Variants in MTHFD1 observed in about 807,000 individuals in gnomAD.
MTHFD1 encodes the protein C-1-tetrahydrofolate synthase, cytoplasmic.
In MTHFD1, 44 loss-of-function variants were observed where a neutral mutation model predicts 110.3. The observed-to-expected ratio is 0.40, with a 90% confidence interval of 0.31 to 0.51. The LOEUF (loss-of-function observed/expected upper bound fraction) is 0.51. Among genes scored for constraint, MTHFD1 ranks in the 20% least tolerant of loss-of-function variants. MTHFD1 has a pLI of 0.60. For synonymous variants in MTHFD1, 402 were observed against 428.8 expected (o/e 0.94, Z 0.77); for missense variants, 909 against 1,173.1 (o/e 0.77, Z 3.29).
chr14:64,415,044 A>G (rs2078014759), intron 4 of MTHFD1, among the ~76,000 whole-genome samples: 1 of 152,152 alleles, frequency 6.6e-6, no homozygotes, highest in Non-Finnish European at 1.5e-5. Flanking sequence ...TGTGTTGTCC[A>G]GGCTGGTCTT....
intron 12 of MTHFD1, among the ~76,000 whole-genome samples, chr14:64,428,919 C>T (rs186215901): frequency 6.6e-6 from 1 of 152,262 alleles, no homozygotes; most frequent in Non-Finnish European, 1.5e-5. Context: ...AACCCCCTTT[C>T]AACTTCAGCA....
At position 64,439,167 on chromosome 14, in the gene MTHFD1, C is replaced by G; in HGVS notation, c.1669C>G (p.Arg557Gly). 6 of 1,612,762 alleles carry G rather than the reference C, an allele frequency of 3.7e-6. No individual in the cohort carries two copies. Among genetic ancestry groups the G allele is most frequent in the African/African-American group, 1.3e-5 (1 of 75,002 alleles). Residue 557 changes from arginine (R) to glycine (G), a missense_variant, in exon 17 of 28, where the codon CGG becomes GGG. By Grantham distance (125) the Arg-to-Gly change is moderately radical. Around this residue, in one of 3 missense-constraint regions of MTHFD1, gnomAD observed 482 missense variants for 646.0 expected, o/e 0.75. Coordinates refer to ENST00000652337, the MANE Select transcript of MTHFD1 (RefSeq NM_005956.4). ...GQAPTEKGHT[R>G]TAQFDISVAS... The stretch of plus-strand genomic sequence containing the variant: ...GGCTCCAACGGAGAAGGGTCACACA[C>G]GGACGGTAACAATTTGTCCCTTTCC...
At chr14:64,446,049 A>C (rs2078287074) in intron 22 of MTHFD1, among the ~76,000 whole-genome samples, 2 of 152,096 alleles carry the variant, frequency 1.3e-5, no homozygotes, top group South Asian at 4.2e-4. Context: ...GTTTTGCTCG[A>C]TGATTCAGTA....
At chr14:64,390,758 C>G (rs534043055) in intron 1 of MTHFD1, among the ~76,000 whole-genome samples, 1 of 152,272 alleles carries the variant, frequency 6.6e-6, no homozygotes, top group East Asian at 1.9e-4. Flanking sequence ...AAGCGATTCT[C>G]CTGCCTCAGC....
At position 64,444,756 on chromosome 14, in the gene MTHFD1, C is replaced by A. The variant is rs776477235; in HGVS notation, c.2178+22C>A. 25 of 1,612,940 alleles carry A rather than the reference C, an allele frequency of 1.5e-5. No individual in the cohort carries two copies. The South Asian group carries it at 2.6e-4, about 17-fold the overall frequency. On this transcript the variant is annotated intron_variant, in intron 22 of 27. Transcript: ENST00000652337. Reference sequence around the variant, plus strand: ...GGAGGTAACCTGAGTTATTTCTCATCACGTGTCCTAGAAAGCACCACACCT... The same window carrying A: ...GGAGGTAACCTGAGTTATTTCTCATAACGTGTCCTAGAAAGCACCACACCT...
At chr14:64,397,144 T>G (rs868539421) in intron 1 of MTHFD1, among the ~76,000 whole-genome samples, 3 of 1,838 alleles carry the variant, frequency 1.6e-3, no homozygotes, top group Non-Finnish European at 4.6e-3. Flanking sequence ...AAAAAATATA[T>G]ATATATATAT....
chr14:64,401,069 C>T (rs2077892212), intron 2 of MTHFD1, among the ~76,000 whole-genome samples, 192 bp downstream of exon 2: 1 of 152,080 alleles, frequency 6.6e-6, no homozygotes, highest in Admixed American at 6.6e-5. Flanking sequence ...CTGCTCTTCT[C>T]TGTGGATACC....
chr14:64,411,681 C>T (rs1056265070), intron 3 of MTHFD1, among the ~76,000 whole-genome samples: 1 of 152,164 alleles, frequency 6.6e-6, no homozygotes, highest in Non-Finnish European at 1.5e-5. Flanking sequence ...GGGCGGATCA[C>T]CTGAGGTCGG....
chr14:64,441,158 C>G, intron 18 of MTHFD1: 1 of 500,502 alleles, frequency 2.0e-6, no homozygotes, highest in African/African-American at 1.9e-5. Flanking sequence ...CACCACTGCA[C>G]TCCAGCCTGG....
At chr14:64,407,206 C>T (rs1234450237) in intron 2 of MTHFD1, among the ~76,000 whole-genome samples, 2 of 152,130 alleles carry the variant, frequency 1.3e-5, no homozygotes, top group African/African-American at 2.4e-5. Context: ...TGGCTCACGC[C>T]TGTAATCCCA....
Position 64,418,024 on chromosome 14 carries a change from G to C in MTHFD1, c.615G>C (p.Glu205Asp). The C allele has an allele frequency of 6.2e-7, 1 of 1,614,186 alleles. No individual in the cohort carries two copies. The highest frequency in any genetic ancestry group is 8.5e-7 in the Non-Finnish European group (1 of 1,180,034). ...CHSKTAHLDE[E>D]VNKGDILVVA... ...CCAAGACTGCCCATCTGGATGAGGAGGTAGGGTGTCCAGAGGAGAGGTAAA... is the reference window on the plus strand; with the variant it reads ...CCAAGACTGCCCATCTGGATGAGGACGTAGGGTGTCCAGAGGAGAGGTAAA... Residue 205 changes from glutamate (E) to aspartate (D), a missense_variant and splice_region_variant, in exon 7 of 28, where the codon GAG becomes GAC. Physicochemically the swap from Glu to Asp is conservative, Grantham distance 45. This residue lies in a region of MTHFD1 where 424 missense variants were observed against 510.4 expected (regional missense o/e 0.83). Transcript: ENST00000652337.
chr14:64,424,666 T>A, intron 8 of MTHFD1, 138 bp from the exon 9 acceptor site: 1 of 914,682 alleles, frequency 1.1e-6, no homozygotes, highest in Non-Finnish European at 1.7e-6. Flanking sequence ...CATCTGTCAT[T>A]CCATAGCTTT....
intron 24 of MTHFD1, among the ~76,000 whole-genome samples, chr14:64,452,790 T>C (rs942219627): frequency 1.3e-5 from 2 of 152,256 alleles, no homozygotes; most frequent in African/African-American, 2.4e-5. Context: ...ACATTGGTTG[T>C]CTTATTTCAT....
At chr14:64,422,007 G>A (rs1245159871) in intron 8 of MTHFD1, among the ~76,000 whole-genome samples, 1 of 152,006 alleles carries the variant, frequency 6.6e-6, no homozygotes, top group African/African-American at 2.4e-5. Flanking sequence ...TGTGAGAAAT[G>A]GAGAAGAAAA....
At chr14:64,443,778 C>A (rs963706869) in intron 21 of MTHFD1, among the ~76,000 whole-genome samples, 1 of 152,198 alleles carries the variant, frequency 6.6e-6, no homozygotes, top group Non-Finnish European at 1.5e-5. Context: ...ACCTCCTTTC[C>A]TTGCTTCCTC....
intron 12 of MTHFD1, among the ~76,000 whole-genome samples, chr14:64,428,164 A>C (rs1294723236): frequency 2.2e-5 from 3 of 138,112 alleles, no homozygotes; most frequent in Non-Finnish European, 4.5e-5. Context: ...CCCAGGCTGG[A>C]ATGCAGTGGT....
At chr14:64,427,868 T>C (rs1297268301) in intron 12 of MTHFD1, among the ~76,000 whole-genome samples, 1 of 152,202 alleles carries the variant, frequency 6.6e-6, no homozygotes, top group African/African-American at 2.4e-5. Context: ...ATTGAATATA[T>C]GCTTTGTGCC....
At chr14:64,406,740 G>A (rs905295496) in intron 2 of MTHFD1, among the ~76,000 whole-genome samples, 4 of 152,116 alleles carry the variant, frequency 2.6e-5, no homozygotes, top group East Asian at 1.9e-4. Flanking sequence ...CCAAAGTGCC[G>A]AGTCACCGCA....
At chr14:64,459,307 T>C (rs1233519208) in intron 27 of MTHFD1, among the ~76,000 whole-genome samples, 1 of 152,150 alleles carries the variant, frequency 6.6e-6, no homozygotes, top group Non-Finnish European at 1.5e-5. Context: ...CTGATAACCA[T>C]GCAAATGACC....
Sources: allele counts gnomAD v4.1 joint callset (sites outside exome capture counted in the v4.1 genomes callset), GRCh38; gene constraint gnomAD v4.1.1; regional missense constraint gnomAD v4.1.1; transcripts MANE v1.5; gene names NCBI Gene and HGNC (gene_info 2026-07-23, HGNC 2026-07-21).